The following SGPP2 variants were observed in gnomAD, a reference collection of about 807,000 sequenced individuals.
SGPP2 encodes the protein sphingosine 1-phosphate phosphohydrolase 2.
A neutral mutation model predicts 33.9 loss-of-function variants in SGPP2; 30 were observed. The observed-to-expected ratio is 0.89, with a 90% CI of 0.66 to 1.20. SGPP2 has a LOEUF of 1.20. SGPP2 is among the 50% of genes most tolerant of loss of function. The probability of loss-of-function intolerance (pLI) is 0.00; values close to 1 mark genes in which losing one functional copy is unlikely to be tolerated. For missense variants in SGPP2, 458 were observed against 532.1 expected (o/e 0.86, Z 1.37); for synonymous variants, 233 against 225.0 (o/e 1.04, Z -0.32).
chr2:222,501,371 T>C (rs1279668494), intron 2 of SGPP2, among the ~76,000 whole-genome samples: 2 of 152,148 alleles, frequency 1.3e-5, no homozygotes, highest in Non-Finnish European at 2.9e-5. Flanking sequence ...TGAATTCTAT[T>C]AAGAACAAAA....
intron 2 of SGPP2, among the ~76,000 whole-genome samples, chr2:222,484,383 C>T (rs548661156): frequency 5.5e-4 from 83 of 152,234 alleles, no homozygotes; most frequent in African/African-American, 1.9e-3. Context: ...ATTTCTGATG[C>T]TTCATTTACT....
chr2:222,430,622 C>A (rs4567924), intron 1 of SGPP2, among the ~76,000 whole-genome samples: 7 of 151,940 alleles, frequency 4.6e-5, no homozygotes, highest in South Asian at 2.1e-4. Flanking sequence ...GCCAGCCTCC[C>A]TATTTCTTAA....
intron 1 of SGPP2, among the ~76,000 whole-genome samples, chr2:222,471,759 A>T (rs1048370922): frequency 6.6e-6 from 1 of 152,146 alleles, no homozygotes; most frequent in Non-Finnish European, 1.5e-5. Flanking sequence ...TCTCCCTGTA[A>T]CAGTGTTGTC....
chr2:222,519,780 T>C (rs1698656032), intron 2 of SGPP2, among the ~76,000 whole-genome samples: 1 of 152,212 alleles, frequency 6.6e-6, no homozygotes, highest in Middle Eastern at 3.2e-3. Flanking sequence ...GGTTTTCTGT[T>C]CCTGAATTAA....
intron 1 of SGPP2, among the ~76,000 whole-genome samples, chr2:222,442,001 G>C (rs373524322): frequency 6.6e-6 from 1 of 152,156 alleles, no homozygotes; most frequent in African/African-American, 2.4e-5. Flanking sequence ...ATCTTTTCCT[G>C]TTCTGTCCAA....
chr2:222,542,110 G>A (rs973984886), intron 4 of SGPP2, among the ~76,000 whole-genome samples: 4 of 152,030 alleles, frequency 2.6e-5, no homozygotes, highest in East Asian at 1.9e-4. Flanking sequence ...AAAGGTACCC[G>A]CTCCCCAAAT....
chr2:222,545,108 G>A (rs13033269), intron 4 of SGPP2, among the ~76,000 whole-genome samples: 46,199 of 151,962 alleles, frequency 0.3, 7,633 homozygotes, highest in South Asian at 0.47. Context: ...CTAGAAGAGA[G>A]GAAAGATTTT....
At chr2:222,462,328 G>A (rs1230595387) in intron 1 of SGPP2, among the ~76,000 whole-genome samples, 2 of 152,072 alleles carry the variant, frequency 1.3e-5, no homozygotes, top group Admixed American at 6.5e-5. Flanking sequence ...ACGCTCTTGG[G>A]TGACAAGACT....
At chr2:222,424,844 C>T (rs1697036005) in intron 1 of SGPP2, 23 bp downstream of exon 1, 23 of 1,325,896 alleles carry the variant, frequency 1.7e-5, no homozygotes, top group Non-Finnish European at 2.1e-5. Context: ...AGGTGTTCGC[C>T]GGGTACGGGG....
At chr2:222,452,710 T>C in intron 1 of SGPP2, 2 of 1,376,770 alleles carry the variant, frequency 1.5e-6, no homozygotes, top group Admixed American at 3.4e-5. Flanking sequence ...TTGCTCCAGG[T>C]CTGGTTGCTC....
chr2:222,507,840 A>G (rs1698468044), intron 2 of SGPP2, among the ~76,000 whole-genome samples: 1 of 152,202 alleles, frequency 6.6e-6, no homozygotes, highest in African/African-American at 2.4e-5. Context: ...TTAACAGTAT[A>G]TCTCATAATT....
intron 1 of SGPP2, among the ~76,000 whole-genome samples, chr2:222,472,628 A>G (rs1220905967): frequency 2.0e-5 from 3 of 152,208 alleles, no homozygotes; most frequent in African/African-American, 7.2e-5. Flanking sequence ...TTATGCCTAC[A>G]TCTTAGCAGA....
intron 3 of SGPP2, among the ~76,000 whole-genome samples, chr2:222,524,539 G>C (rs1698728852): frequency 6.6e-6 from 1 of 152,224 alleles, no homozygotes; most frequent in Non-Finnish European, 1.5e-5. Flanking sequence ...GGGATTTTCA[G>C]ATTATAGCCC....
chr2:222,519,725 G>A (rs538597370), intron 2 of SGPP2, among the ~76,000 whole-genome samples: 25 of 152,226 alleles, frequency 1.6e-4, no homozygotes, highest in African/African-American at 5.8e-4. Context: ...GTCCTTGTGC[G>A]CTCAATGTTT....
intron 1 of SGPP2, among the ~76,000 whole-genome samples, chr2:222,469,818 G>A (rs1697810738): frequency 6.6e-6 from 1 of 152,126 alleles, no homozygotes; most frequent in Non-Finnish European, 1.5e-5. Flanking sequence ...GTTGTTTTAT[G>A]TTTTAGTGCA....
intron 2 of SGPP2, among the ~76,000 whole-genome samples, chr2:222,498,588 C>A (rs1553538315): frequency 2.0e-5 from 3 of 148,390 alleles, no homozygotes; most frequent in Non-Finnish European, 3.0e-5. Flanking sequence ...ATTTTTTTTT[C>A]AAAAAAAAAA....
Position 222,539,506 on chromosome 2 carries a change from C to T in SGPP2, c.648+14473C>T, listed in dbSNP as rs115880004. Among the ~76,000 whole-genome samples, 395 of 152,300 alleles carry T rather than the reference C, an allele frequency of 2.6e-3. 2 individuals carry two copies. Among genetic ancestry groups the T allele is most frequent in the African/African-American group, 8.5e-3 (353 of 41,572 alleles). On this transcript the variant is annotated intron_variant, in intron 4 of 4. Transcript: ENST00000321276. ...GTGTCCGGCACCACTACCAGATCTCCGTCTTCCACCTCCCACTTCTCAGTG... is the reference window on the plus strand; with the variant it reads ...GTGTCCGGCACCACTACCAGATCTCTGTCTTCCACCTCCCACTTCTCAGTG...
At chr2:222,516,835 T>G (rs570788751) in intron 2 of SGPP2, among the ~76,000 whole-genome samples, 3 of 152,322 alleles carry the variant, frequency 2.0e-5, no homozygotes, top group African/African-American at 7.2e-5. Context: ...TATAGTAATT[T>G]ATATTGGTCA....
chr2:222,445,303 G>T (rs186946078), intron 1 of SGPP2, among the ~76,000 whole-genome samples: 1 of 152,290 alleles, frequency 6.6e-6, no homozygotes. Context: ...TAAACTTTCT[G>T]CCTTCTGTTC....
Sources: gnomAD v4.1 joint callset for allele counts (sites outside exome capture counted in the v4.1 genomes callset) on GRCh38, gnomAD v4.1.1 for gene constraint, MANE v1.5 for transcripts, NCBI Gene and HGNC (gene_info 2026-07-23, HGNC 2026-07-21) for gene names.